The following PUS7 variants were observed in gnomAD, a reference collection of about 807,000 sequenced individuals.
PUS7 encodes pseudouridylate synthase 7 homolog.
A neutral mutation model predicts 79.8 loss-of-function variants in PUS7; 48 were observed. The ratio of observed to expected loss-of-function variants is 0.60; its 90% CI spans 0.48 to 0.76. PUS7 has a LOEUF of 0.76. PUS7 is among the 30% of genes least tolerant of loss of function. PUS7 has a pLI of 0.00. For missense variants in PUS7, 729 were observed against 797.6 expected (o/e 0.91, Z 1.04); for synonymous variants, 286 against 272.2 (o/e 1.05, Z -0.50).
At chr7:105,460,974 C>T (rs903797299) in intron 14 of PUS7, among the ~76,000 whole-genome samples, 1 of 152,042 alleles carries the variant, frequency 6.6e-6, no homozygotes, top group Non-Finnish European at 1.5e-5. Flanking sequence ...CTCAAGCAAT[C>T]CTCCCACATT....
At chr7:105,487,083 A>C (rs1562802360) in intron 7 of PUS7, among the ~76,000 whole-genome samples, 1 of 151,902 alleles carries the variant, frequency 6.6e-6, no homozygotes, top group Non-Finnish European at 1.5e-5. Flanking sequence ...AAAATAAATA[A>C]ATATATATAT....
Position 105,502,459 on chromosome 7 carries a change from T to A in PUS7, c.691A>T (p.Ile231Phe). ...KTEDREGKKY[I>F]VAYHAAGKKA... Reference sequence around the variant, plus strand: ...TTCCCAGCTGCGTGGTAGGCTACAATGTATTTCTTCCCCTCCCTATCCTCT... The same window carrying A: ...TTCCCAGCTGCGTGGTAGGCTACAAAGTATTTCTTCCCCTCCCTATCCTCT... The change falls in exon 5 of 16, where the codon ATT becomes TTT. Residue 231 changes from isoleucine to phenylalanine, a missense_variant. Coordinates refer to ENST00000469408, the MANE Select transcript of PUS7 (RefSeq NM_019042.5). 2 of 1,614,164 alleles carry A rather than the reference T, an allele frequency of 1.2e-6. No individual in the cohort carries two copies. The highest frequency in any genetic ancestry group is 1.7e-6 in the Non-Finnish European group (2 of 1,180,026).
chr7:105,477,690 T>G (rs1328575756), intron 9 of PUS7, among the ~76,000 whole-genome samples: 1 of 152,164 alleles, frequency 6.6e-6, no homozygotes. Context: ...TACAACATTT[T>G]TATTACCCAC....
chr7:105,491,266 G>T (rs60973987), intron 7 of PUS7, among the ~76,000 whole-genome samples: 34,522 of 151,930 alleles, frequency 0.23, 4,001 homozygotes, highest in South Asian at 0.31. Flanking sequence ...TGTTCACTAT[G>T]TTGTAATTTT....
chr7:105,519,781 G>GT (rs1826033772), intron 1 of PUS7, among the ~76,000 whole-genome samples: 1 of 152,302 alleles, frequency 6.6e-6, no homozygotes, highest in South Asian at 2.1e-4. Context: ...GGGGCTGAGA[G>GT]TAAGAGGGGT....
At position 105,502,479 on chromosome 7, in the gene PUS7, T is replaced by C; in HGVS notation, c.671A>G (p.Asp224Gly). The C allele has an allele frequency of 6.2e-7, 1 of 1,614,126 alleles. No individual in the cohort carries two copies. The highest frequency in any genetic ancestry group is 8.5e-7 in the Non-Finnish European group (1 of 1,180,006). The change falls in exon 5 of 16, where the codon GAT becomes GGT. Residue 224 changes from aspartate to glycine, a missense_variant. By Grantham distance (94) the Asp-to-Gly change is moderately conservative. Transcript: ENST00000469408. ...TACAATGTATTTCTTCCCCTCCCTA[T>C]CCTCTGTTTTTGTCTCTAATCCTGG... ...LFPGLETKTE[D>G]REGKKYIVAY...
At chr7:105,465,177 C>G (rs1823587767) in intron 13 of PUS7, 136 bp downstream of exon 13, 2 of 545,256 alleles carry the variant, frequency 3.7e-6, no homozygotes, top group Non-Finnish European at 3.2e-6. Flanking sequence ...GGTAGAGTTT[C>G]TTAATTTAAA....
chr7:105,506,331 A>G (rs1825457075), intron 2 of PUS7, 58 bp from the exon 3 acceptor site: 1 of 1,266,950 alleles, frequency 7.9e-7, no homozygotes, highest in Non-Finnish European at 1.1e-6. Context: ...TATTAATTTT[A>G]AGATAAAGTT....
intron 6 of PUS7, among the ~76,000 whole-genome samples, chr7:105,492,348 G>A (rs1291649177): frequency 2.0e-5 from 3 of 151,140 alleles, no homozygotes; most frequent in African/African-American, 4.9e-5. Context: ...TTTTTGAGAC[G>A]GAGTCTCTCT....
chr7:105,482,517 A>G, intron 7 of PUS7, 77 bp from the exon 8 acceptor site: 1 of 1,442,450 alleles, frequency 6.9e-7, no homozygotes, highest in Non-Finnish European at 9.4e-7. Flanking sequence ...GTCTGCTTGG[A>G]ACAGTACAGA....
At chr7:105,504,291 G>A (rs572274947) in intron 4 of PUS7, among the ~76,000 whole-genome samples, 115 of 151,708 alleles carry the variant, frequency 7.6e-4, no homozygotes, top group African/African-American at 2.8e-3. Context: ...GGCTGGTCTC[G>A]AACTCCTGAC....
At position 105,492,729 on chromosome 7, in the gene PUS7, G is replaced by A. The variant is rs375109436; in HGVS notation, c.843-1112C>T. Among the ~76,000 whole-genome samples, 723 of 151,582 alleles carry A rather than the reference G, an allele frequency of 4.8e-3. 8 individuals are homozygous for A. The highest frequency in any genetic ancestry group is 0.017 in the African/African-American group (693 of 41,336). The stretch of plus-strand genomic sequence containing the variant: ...ACCGTTTTTTAGCCGGGATGGTCTC[G>A]ATCTCCTGACCTCGTGATCCGCCCG... On this transcript the variant is annotated intron_variant, in intron 6 of 15. Transcript: ENST00000469408.
In PUS7 at chr7:105,470,709, A is replaced by G. The variant is rs757607604; in HGVS notation, c.1377T>C (p.Asn459=). Reference sequence around the variant, plus strand: ...TCACTATGCCAAATGCAGAGACTATATTCTTCATTCCATATTTTGAAAGTC... The same window carrying G: ...TCACTATGCCAAATGCAGAGACTATGTTCTTCATTCCATATTTTGAAAGTC... ...LRGLSKYGMK[N]IVSAFGIIPR... Residue 459 remains asparagine (N), a synonymous_variant, in exon 11 of 16, where the codon AAT becomes AAC. Transcript: ENST00000469408. 6.2e-7 allele frequency: 1 copy of G among 1,607,176 alleles called. No individual in the cohort carries two copies. The highest frequency in any genetic ancestry group is 8.5e-7 in the Non-Finnish European group (1 of 1,174,804).
At chr7:105,519,015 G>A (rs1826002016) in intron 1 of PUS7, among the ~76,000 whole-genome samples, 1 of 152,036 alleles carries the variant, frequency 6.6e-6, no homozygotes, top group South Asian at 2.1e-4. Flanking sequence ...TGATTCGCCC[G>A]CCTCGGTCTC....
At chr7:105,482,030 G>A (rs1480737085) in intron 8 of PUS7, among the ~76,000 whole-genome samples, 1 of 152,066 alleles carries the variant, frequency 6.6e-6, no homozygotes, top group Non-Finnish European at 1.5e-5. Context: ...GCGCCCAGCC[G>A]GCTCGGTGTC....
intron 7 of PUS7, among the ~76,000 whole-genome samples, chr7:105,485,960 A>C (rs1457428193): frequency 6.7e-6 from 1 of 148,856 alleles, no homozygotes; most frequent in Non-Finnish European, 1.5e-5. Context: ...ATGCCTGCCC[A>C]CCCTGGCCTC....
intron 5 of PUS7, among the ~76,000 whole-genome samples, chr7:105,496,485 T>A (rs1019956276): frequency 2.6e-5 from 4 of 152,108 alleles, no homozygotes; most frequent in African/African-American, 7.2e-5. Context: ...CATACAACAA[T>A]TCCTAGAAAG....
intron 1 of PUS7, among the ~76,000 whole-genome samples, chr7:105,514,122 T>C (rs1166323313): frequency 7.4e-6 from 1 of 135,858 alleles, no homozygotes; most frequent in African/African-American, 2.7e-5. Flanking sequence ...TCCCAGCTAC[T>C]CGGGAGGCTG....
intron 14 of PUS7, among the ~76,000 whole-genome samples, chr7:105,460,168 G>A (rs1823361357): frequency 6.6e-6 from 1 of 152,054 alleles, no homozygotes; most frequent in Non-Finnish European, 1.5e-5. Context: ...TCGATCTCCT[G>A]AGCTCGTGAT....
Sources: gnomAD v4.1 joint callset for allele counts (sites outside exome capture counted in the v4.1 genomes callset) on GRCh38, gnomAD v4.1.1 for gene constraint, MANE v1.5 for transcripts, NCBI Gene and HGNC (gene_info 2026-07-23, HGNC 2026-07-21) for gene names.